The following CAMKMT variants were observed in gnomAD, a reference collection of about 807,000 sequenced individuals.
CAMKMT encodes calmodulin-lysine N-methyltransferase, also known as CaM KMT.
Under a neutral mutation model 48.0 loss-of-function variants are expected in CAMKMT, and 53 were observed. The observed-to-expected ratio is 1.10, with a 90% CI of 0.89 to 1.39. The LOEUF (loss-of-function observed/expected upper bound fraction) is 1.39. Ranked by LOEUF, CAMKMT falls within the 40% of genes most tolerant of loss-of-function variation. The pLI, the probability that CAMKMT is intolerant of heterozygous loss-of-function variation, is 0.00. For missense variants in CAMKMT, 428 were observed against 402.7 expected (o/e 1.06, Z -0.54); for synonymous variants, 165 against 152.3 (o/e 1.08, Z -0.61).
intron 3 of CAMKMT, among the ~76,000 whole-genome samples, chr2:44,608,862 A>G (rs1572910018): frequency 6.6e-6 from 1 of 152,154 alleles, no homozygotes; most frequent in Non-Finnish European, 1.5e-5. Context: ...CCTTGTGGGT[A>G]TTGCTAATAG....
intron 3 of CAMKMT, among the ~76,000 whole-genome samples, chr2:44,695,511 T>C (rs985177283): frequency 6.6e-6 from 1 of 152,196 alleles, no homozygotes; most frequent in East Asian, 1.9e-4. Flanking sequence ...GATAAGAATA[T>C]GTCTTGGATT....
intron 3 of CAMKMT, among the ~76,000 whole-genome samples, chr2:44,697,251 A>T (rs965989320): frequency 7.9e-5 from 12 of 152,108 alleles, no homozygotes; most frequent in African/African-American, 2.9e-4. Flanking sequence ...CTACTGGAGG[A>T]CGTGTTACAC....
intron 3 of CAMKMT, among the ~76,000 whole-genome samples, chr2:44,687,579 C>T (rs1252609325): frequency 6.6e-6 from 1 of 152,160 alleles, no homozygotes; most frequent in Non-Finnish European, 1.5e-5. Context: ...TATCATTCAG[C>T]CACATATACT....
At chr2:44,472,380 A>G (rs1322478952) in intron 3 of CAMKMT, among the ~76,000 whole-genome samples, 1 of 152,194 alleles carries the variant, frequency 6.6e-6, no homozygotes, top group Non-Finnish European at 1.5e-5. Flanking sequence ...AATAAATGAG[A>G]TAATGTATAT....
intron 3 of CAMKMT, among the ~76,000 whole-genome samples, chr2:44,644,741 A>G (rs570139135): frequency 6.6e-6 from 1 of 152,180 alleles, no homozygotes; most frequent in Non-Finnish European, 1.5e-5. Context: ...TTAGACTTTT[A>G]TAGCTTGGGG....
At chr2:44,447,989 T>C (rs745429192) in intron 3 of CAMKMT, among the ~76,000 whole-genome samples, 1 of 152,226 alleles carries the variant, frequency 6.6e-6, no homozygotes, top group Non-Finnish European at 1.5e-5. Flanking sequence ...TTATAAGTGG[T>C]ATAATGCTAG....
chr2:44,728,605 C>T (rs762437593), intron 7 of CAMKMT, among the ~76,000 whole-genome samples: 3 of 152,050 alleles, frequency 2.0e-5, no homozygotes, highest in Non-Finnish European at 4.4e-5. Flanking sequence ...TGATGTTGGT[C>T]TATGCAAGGT....
At chr2:44,598,514 T>C (rs1380805663) in intron 3 of CAMKMT, among the ~76,000 whole-genome samples, 1 of 151,624 alleles carries the variant, frequency 6.6e-6, no homozygotes, top group East Asian at 1.9e-4. Context: ...AGCATTGTCC[T>C]CTTCAATGAG....
intron 3 of CAMKMT, among the ~76,000 whole-genome samples, chr2:44,629,312 C>T (rs1349863334): frequency 6.6e-6 from 1 of 152,034 alleles, no homozygotes; most frequent in Middle Eastern, 3.2e-3. Context: ...TTGAAGTCCG[C>T]TGTGTCTGAT....
intron 3 of CAMKMT, among the ~76,000 whole-genome samples, chr2:44,676,155 TG>T (rs142836488): frequency 3.2e-4 from 48 of 152,350 alleles, no homozygotes; most frequent in African/African-American, 1.2e-3. Context: ...CTTTTCCCTC[TG>T]GGGAAGCATT....
At chr2:44,756,634 C>T (rs1240437147) in intron 9 of CAMKMT, among the ~76,000 whole-genome samples, 2 of 151,254 alleles carry the variant, frequency 1.3e-5, no homozygotes, top group Admixed American at 6.6e-5. Flanking sequence ...CCCAGCTACT[C>T]GGGAGGCTGA....
chr2:44,629,365 C>A (rs750452933), intron 3 of CAMKMT, among the ~76,000 whole-genome samples: 1 of 151,734 alleles, frequency 6.6e-6, no homozygotes, highest in South Asian at 2.1e-4. Context: ...GTGCACATGG[C>A]ATATCTCTTA....
chr2:44,656,908 C>T (rs73924514), intron 3 of CAMKMT, among the ~76,000 whole-genome samples: 1,660 of 152,236 alleles, frequency 0.011, 24 homozygotes, highest in African/African-American at 0.037. Context: ...TTTTCTGACA[C>T]TGCAAGCAGG....
intron 3 of CAMKMT, among the ~76,000 whole-genome samples, chr2:44,565,857 G>C (rs1256662439): frequency 6.6e-6 from 1 of 152,178 alleles, no homozygotes. Flanking sequence ...TAGGAAGGCT[G>C]ACTGTTCTAA....
At chr2:44,570,609 T>C (rs1311293685) in intron 3 of CAMKMT, among the ~76,000 whole-genome samples, 4 of 152,190 alleles carry the variant, frequency 2.6e-5, no homozygotes, top group Non-Finnish European at 5.9e-5. Context: ...AGAAACAATA[T>C]AGGACAGAAA....
chr2:44,388,411 A>G (rs918209571), intron 2 of CAMKMT, among the ~76,000 whole-genome samples: 4 of 151,684 alleles, frequency 2.6e-5, no homozygotes, highest in African/African-American at 9.7e-5. Context: ...TTCACTTCTT[A>G]TATTGTTCTT....
At chr2:44,479,468 A>G (rs750901952) in intron 3 of CAMKMT, among the ~76,000 whole-genome samples, 1 of 152,216 alleles carries the variant, frequency 6.6e-6, no homozygotes, top group African/African-American at 2.4e-5. Context: ...TTTATTTTAC[A>G]AAACATGAAA....
chr2:44,518,525 A>G (rs17032327), intron 3 of CAMKMT, among the ~76,000 whole-genome samples: 4,316 of 152,314 alleles, frequency 0.028, 197 homozygotes, highest in African/African-American at 0.098. Flanking sequence ...ATAAAAATAG[A>G]CTTTTGAAAA....
At chr2:44,718,881 T>TA (rs1186925466) in intron 7 of CAMKMT, among the ~76,000 whole-genome samples, 1 of 152,232 alleles carries the variant, frequency 6.6e-6, no homozygotes, top group East Asian at 1.9e-4. Flanking sequence ...AGACTTTTTT[T>TA]ATAACCCAAA....
Sources: gnomAD v4.1 joint callset for allele counts (sites outside exome capture counted in the v4.1 genomes callset) on GRCh38, gnomAD v4.1.1 for gene constraint, MANE v1.5 for transcripts, NCBI Gene and HGNC (gene_info 2026-07-23, HGNC 2026-07-21) for gene names.